The following DLG2 variants were observed in gnomAD, a reference collection of about 807,000 sequenced individuals.
The protein encoded by DLG2 is discs large MAGUK scaffold protein 2.
DLG2 carries 45 observed loss-of-function variants against 132.5 expected under a neutral mutation model. That is an observed-to-expected ratio of 0.34 (90% confidence interval 0.27 to 0.44). The LOEUF (loss-of-function observed/expected upper bound fraction) is 0.44. Among genes scored for constraint, DLG2 ranks in the 20% least tolerant of loss-of-function variants. The pLI is 1.00. For synonymous variants in DLG2, 424 were observed against 419.6 expected (o/e 1.01, Z -0.13); for missense variants, 1,045 against 1,196.9 (o/e 0.87, Z 1.87).
At chr11:85,475,814 G>A (rs1230803420) in intron 3 of DLG2, among the ~76,000 whole-genome samples, 1 of 152,036 alleles carries the variant, frequency 6.6e-6, no homozygotes, top group East Asian at 1.9e-4. Context: ...CAGCTTACTA[G>A]TGGCAAGTCC....
chr11:84,941,585 C>A (rs1566461650), intron 6 of DLG2, among the ~76,000 whole-genome samples: 1 of 152,080 alleles, frequency 6.6e-6, no homozygotes, highest in African/African-American at 2.4e-5. Context: ...CCCCCTTGAT[C>A]ACAACGAGTG....
At chr11:85,213,307 G>T (rs113928325) in intron 4 of DLG2, among the ~76,000 whole-genome samples, 1 of 150,974 alleles carries the variant, frequency 6.6e-6, no homozygotes, top group Non-Finnish European at 1.5e-5. Context: ...CTACAACTTG[G>T]TTTTATACAT....
At chr11:84,548,698 G>A (rs1000732652) in intron 6 of DLG2, among the ~76,000 whole-genome samples, 1 of 152,084 alleles carries the variant, frequency 6.6e-6, no homozygotes, top group Non-Finnish European at 1.5e-5. Flanking sequence ...CATTTGGGTT[G>A]GTTCCAAGTC....
intron 6 of DLG2, among the ~76,000 whole-genome samples, chr11:84,769,823 T>C (rs968217652): frequency 1.3e-5 from 2 of 152,314 alleles, no homozygotes; most frequent in African/African-American, 4.8e-5. Flanking sequence ...TGGGTGCCTA[T>C]TCCTAAAGAA....
At chr11:85,610,040 C>T (rs934400353) in intron 2 of DLG2, among the ~76,000 whole-genome samples, 31 of 152,062 alleles carry the variant, frequency 2.0e-4, no homozygotes, top group African/African-American at 2.4e-5. Context: ...ATTTGTTGTC[C>T]CCTACTTGAG....
intron 3 of DLG2, among the ~76,000 whole-genome samples, chr11:85,385,734 G>T (rs1011610346): frequency 1.3e-5 from 2 of 152,146 alleles, no homozygotes; most frequent in African/African-American, 4.8e-5. Context: ...AGGCCAGAAG[G>T]GATTTTTGAA....
chr11:85,453,407 G>T, intron 3 of DLG2: 1 of 177,822 alleles, frequency 5.6e-6, no homozygotes, highest in East Asian at 1.4e-4. Context: ...ATCATTCCAG[G>T]ATTGGAATAC....
chr11:85,317,193 C>T (rs897883500), intron 3 of DLG2, among the ~76,000 whole-genome samples: 3 of 151,830 alleles, frequency 2.0e-5, no homozygotes, highest in Admixed American at 6.6e-5. Context: ...GCCAGTGTGG[C>T]GTGACAACAA....
chr11:83,693,031 G>A (rs529664969), intron 18 of DLG2: 1 of 152,316 alleles, frequency 6.6e-6, no homozygotes, highest in African/African-American at 2.4e-5. Context: ...GGGGAGAGTT[G>A]CCCATTAGCC....
intron 3 of DLG2, among the ~76,000 whole-genome samples, chr11:85,534,070 C>A (rs898055552): frequency 5.3e-5 from 8 of 152,086 alleles, no homozygotes; most frequent in Non-Finnish European, 1.0e-4. Flanking sequence ...TCACTGCAGT[C>A]CCCACCTCCC....
intron 19 of DLG2, among the ~76,000 whole-genome samples, chr11:83,598,671 C>T (rs1413690645): frequency 2.0e-5 from 3 of 152,160 alleles, no homozygotes; most frequent in African/African-American, 7.2e-5. Context: ...TTCATATACA[C>T]TAAAGCTCAT....
At chr11:84,430,061 T>C (rs2098979463) in intron 7 of DLG2, among the ~76,000 whole-genome samples, 1 of 152,142 alleles carries the variant, frequency 6.6e-6, no homozygotes, top group African/African-American at 2.4e-5. Context: ...GTAGATTCAG[T>C]AAACCTGTTC....
intron 18 of DLG2, among the ~76,000 whole-genome samples, chr11:83,724,458 C>CGTGTGTGTGTGTGT (rs150976898): frequency 2.5e-4 from 30 of 121,480 alleles, no homozygotes; most frequent in African/African-American, 8.5e-4. Flanking sequence ...TCTCTCTCTC[C>CGTGTGTGTGTGTGT]GTGTGTGTGT....
chr11:84,298,160 T>A (rs2098114627), intron 7 of DLG2, among the ~76,000 whole-genome samples: 1 of 152,208 alleles, frequency 6.6e-6, no homozygotes, highest in Non-Finnish European at 1.5e-5. Context: ...GTTTTCAAGT[T>A]CCTAGAACAG....
At chr11:85,345,201 T>C (rs1474330583) in intron 3 of DLG2, among the ~76,000 whole-genome samples, 1 of 152,132 alleles carries the variant, frequency 6.6e-6, no homozygotes, top group Non-Finnish European at 1.5e-5. Flanking sequence ...ATTGCCAAAA[T>C]TCATCTTGGA....
chr11:84,766,081 C>T (rs973823712), intron 6 of DLG2, among the ~76,000 whole-genome samples: 5 of 151,998 alleles, frequency 3.3e-5, no homozygotes, highest in African/African-American at 9.7e-5. Context: ...CCTTCCGTAG[C>T]GGCCTTTGCA....
At chr11:84,203,036 G>C (rs1277515590) in intron 8 of DLG2, among the ~76,000 whole-genome samples, 1 of 152,132 alleles carries the variant, frequency 6.6e-6, no homozygotes, top group Non-Finnish European at 1.5e-5. Flanking sequence ...TAGTTCAACT[G>C]TTGTGGAAGA....
At chr11:84,440,489 G>C (rs2154477257) in intron 7 of DLG2, among the ~76,000 whole-genome samples, 1 of 152,196 alleles carries the variant, frequency 6.6e-6, no homozygotes, top group African/African-American at 2.4e-5. Context: ...ATCTTCCCTG[G>C]CTCTCTGTGG....
At chr11:84,226,829 T>C (rs368535769) in intron 8 of DLG2, among the ~76,000 whole-genome samples, 1 of 152,300 alleles carries the variant, frequency 6.6e-6, no homozygotes, top group East Asian at 1.9e-4. Flanking sequence ...GGCTCACATC[T>C]GTAATCCTAG....
Sources: allele counts gnomAD v4.1 joint callset (sites outside exome capture counted in the v4.1 genomes callset), GRCh38; gene constraint gnomAD v4.1.1; transcripts MANE v1.5; gene names NCBI Gene and HGNC (gene_info 2026-07-23, HGNC 2026-07-21).